Variants in TUBGCP5 observed in about 807,000 individuals in gnomAD.
TUBGCP5 encodes gamma-tubulin complex component 5.
TUBGCP5 carries 98 observed loss-of-function variants against 134.7 expected under a neutral mutation model. The ratio of observed to expected loss-of-function variants is 0.73; its 90% CI spans 0.62 to 0.86. The LOEUF is 0.86. Among genes scored for constraint, TUBGCP5 ranks in the 40% least tolerant of loss-of-function variants. TUBGCP5 has a pLI of 0.00. For synonymous variants in TUBGCP5, 456 were observed against 431.4 expected, an observed-to-expected ratio of 1.06 and a Z score of -0.71; for missense variants, 1,150 against 1,244.8, an observed-to-expected ratio of 0.92 and a Z score of 1.15.
At chr15:22,986,502 C>G (rs1009039739) in intron 23 of TUBGCP5, among the ~76,000 whole-genome samples, 5 of 151,652 alleles carry the variant, frequency 3.3e-5, no homozygotes, top group Non-Finnish European at 7.4e-5. Flanking sequence ...TTTGGGAGGC[C>G]AAGGCGGGTG....
intron 22 of TUBGCP5, 156 bp downstream of exon 22, chr15:23,000,413 A>C (rs2064301453): frequency 5.0e-6 from 7 of 1,411,236 alleles, no homozygotes; most frequent in African/African-American, 1.4e-5. Flanking sequence ...ATGCTTAAAA[A>C]GCAATTCAAA....
At chr15:23,027,068 A>C (rs947865205) in intron 7 of TUBGCP5, 124 bp downstream of exon 7, 1 of 769,728 alleles carries the variant, frequency 1.3e-6, no homozygotes, top group Non-Finnish European at 2.1e-6. Flanking sequence ...CAAAAAAAAA[A>C]GAATTGTCAA....
chr15:23,021,872 G>A (rs2140550136), intron 11 of TUBGCP5, 87 bp downstream of exon 11: 2 of 1,341,852 alleles, frequency 1.5e-6, no homozygotes, highest in South Asian at 1.2e-5. Flanking sequence ...CATCATTCAA[G>A]TATCAACAAA....
At chr15:23,005,387 T>C (rs753006459) in intron 19 of TUBGCP5, 45 bp downstream of exon 19, 4 of 1,597,858 alleles carry the variant, frequency 2.5e-6, no homozygotes, top group Non-Finnish European at 2.6e-6. Flanking sequence ...CGAACAACTG[T>C]ATAGATACGA....
chr15:23,031,009 T>C lies in TUBGCP5; in HGVS notation c.498A>G (p.Glu166=). The C allele has an allele frequency of 1.2e-6, 2 of 1,609,668 alleles. No individual in the cohort carries two copies. The highest frequency in any genetic ancestry group is 1.1e-5 in the South Asian group (1 of 90,554). ...GTTGATCATTTTCCTCTTCACTTTCTTCAGACCAATTCTGATTTAAAAAAG... is the reference window on the plus strand; with the variant it reads ...GTTGATCATTTTCCTCTTCACTTTCCTCAGACCAATTCTGATTTAAAAAAG... ...GPYMDTPNWS[E]ESEEENDQQP... Residue 166 remains glutamate (E), a synonymous_variant, in exon 6 of 23, where the codon GAA becomes GAG. Coordinates refer to ENST00000615383, the MANE Select transcript of TUBGCP5 (RefSeq NM_052903.6).
intron 13 of TUBGCP5, among the ~76,000 whole-genome samples, chr15:23,016,357 G>C (rs1035050989): frequency 6.6e-6 from 1 of 152,106 alleles, no homozygotes; most frequent in African/African-American, 2.4e-5. Context: ...AGCCGGGTGT[G>C]GTGGCGGGTG....
intron 19 of TUBGCP5, chr15:23,004,619 T>A (rs1337561363): frequency 6.1e-6 from 1 of 163,468 alleles, no homozygotes; most frequent in East Asian, 1.8e-4. Flanking sequence ...CCTTTTCTCA[T>A]ACATTGATCT....
chr15:22,991,909 T>G (rs2063857342), intron 23 of TUBGCP5, among the ~76,000 whole-genome samples: 2 of 152,168 alleles, frequency 1.3e-5, no homozygotes, highest in South Asian at 4.1e-4. Flanking sequence ...AAGGCATATT[T>G]AACATTCCAC....
chr15:23,028,026 C>T (rs1261365470), intron 6 of TUBGCP5, among the ~76,000 whole-genome samples: 4 of 151,976 alleles, frequency 2.6e-5, no homozygotes, highest in African/African-American at 9.7e-5. Context: ...AAGAGAAAGC[C>T]ACCTAACATT....
chr15:22,989,482 A>C (rs1376701597), intron 23 of TUBGCP5, among the ~76,000 whole-genome samples: 1 of 152,060 alleles, frequency 6.6e-6, no homozygotes. Context: ...CCCCCTGTTA[A>C]CTTGGCACCC....
intron 23 of TUBGCP5, among the ~76,000 whole-genome samples, chr15:22,984,814 G>A (rs938043413): frequency 2.6e-5 from 4 of 152,016 alleles, no homozygotes; most frequent in Admixed American, 6.6e-5. Context: ...ATTTTATAAC[G>A]GTAGAGTAGA....
intron 20 of TUBGCP5, among the ~76,000 whole-genome samples, 186 bp downstream of exon 20, chr15:23,003,916 G>A (rs1320584877): frequency 1.3e-5 from 2 of 152,122 alleles, no homozygotes; most frequent in Non-Finnish European, 2.9e-5. Context: ...GTTTCCCAAT[G>A]TGCTGGGATT....
In TUBGCP5 at chr15:23,006,296, A is replaced by G; in HGVS notation, c.2384T>C (p.Ile795Thr). 1.9e-6 allele frequency: 3 copies of G among 1,610,328 alleles called. No homozygotes were observed. Among genetic ancestry groups the G allele is most frequent in the Non-Finnish European group, 2.5e-6 (3 of 1,179,282 alleles). The stretch of plus-strand genomic sequence containing the variant: ...GTAGCTGAGGGTCAGACCATCTAAG[A>G]TATGAACAGGCAGCTTCTTCTTAGC... ...DTAKKKLPVH[I>T]LDGLTLSYKV... Residue 795 changes from isoleucine to threonine, a missense_variant, in exon 17 of 23, where the codon ATC becomes ACC. Ile to Thr is a moderately conservative substitution (Grantham distance 89). Around this residue, in one of 2 missense-constraint regions of TUBGCP5, gnomAD observed 697 missense variants for 850.1 expected, o/e 0.82. Coordinates refer to ENST00000615383, the MANE Select transcript of TUBGCP5 (RefSeq NM_052903.6).
chr15:23,026,097 T>C lies in TUBGCP5; in HGVS notation c.827+19A>G, dbSNP rs1372173646. 3 of 1,585,646 alleles carry C rather than the reference T, an allele frequency of 1.9e-6. No individual in the cohort carries two copies. The African/African-American group carries it at 4.1e-5, about 22-fold the overall frequency. On this transcript the variant is annotated intron_variant, in intron 8 of 22. Coordinates refer to ENST00000615383, the MANE Select transcript of TUBGCP5 (RefSeq NM_052903.6). ...AATCAAGTCTCATAAAGACTATTAA[T>C]TAAATGAACATTTCTTACCATAGGG...
chr15:23,024,781 T>C lies in TUBGCP5; in HGVS notation c.877A>G (p.Lys293Glu). The change falls in exon 9 of 23, where the codon AAG becomes GAG. Residue 293 changes from lysine (K) to glutamate (E), a missense_variant. This residue lies in a region of TUBGCP5 where 453 missense variants were observed against 394.7 expected (regional missense o/e 1.15). Coordinates refer to ENST00000615383, the MANE Select transcript of TUBGCP5 (RefSeq NM_052903.6). ...ATAATATTGTTTCTCACAGTTACCT[T>C]CCCATCTATCAACTGAAATATAAAG... ...KLFIFQLIDG[K>E]VTVRNNIIVT... 1.9e-6 allele frequency: 3 copies of C among 1,596,808 alleles called. No individual in the cohort carries two copies. Among genetic ancestry groups the C allele is most frequent in the South Asian group, 1.1e-5 (1 of 88,804 alleles).
intron 23 of TUBGCP5, among the ~76,000 whole-genome samples, chr15:22,987,895 CA>C (rs869168765): frequency 0.045 from 931 of 20,490 alleles, 3 homozygotes; most frequent in African/African-American, 0.11. Context: ...GACTCCATCT[CA>C]AAAAAAAAAA....
chr15:23,039,522 A>C lies in TUBGCP5; in HGVS notation c.22T>G (p.Trp8Gly). 3 of 1,492,480 alleles carry C rather than the reference A, an allele frequency of 2.0e-6. No homozygotes were observed. The highest frequency in any genetic ancestry group is 1.8e-6 in the Non-Finnish European group (2 of 1,111,158). The allele number at this position is 1,492,480 out of a possible 1,614,324, so 92.5% of individuals were successfully genotyped here. Reference sequence around the variant, plus strand: ...TCCTGCTGCGCGTCCAACCGACTCCACGGTGGCCCGTGCCGCGCCATGTTC... The same window carrying C: ...TCCTGCTGCGCGTCCAACCGACTCCCCGGTGGCCCGTGCCGCGCCATGTTC... MARHGPP[W>G]SRLDAQQERD... is the part of the protein sequence containing the mutation. Residue 8 changes from tryptophan (W) to glycine (G), a missense_variant, in exon 1 of 23, where the codon TGG becomes GGG. Trp to Gly is a radical substitution (Grantham distance 184). Coordinates refer to ENST00000615383, the MANE Select transcript of TUBGCP5 (RefSeq NM_052903.6).
chr15:23,010,771 G>A (rs1043195096), intron 14 of TUBGCP5, among the ~76,000 whole-genome samples: 2 of 152,072 alleles, frequency 1.3e-5, no homozygotes, highest in Admixed American at 1.3e-4. Context: ...CTGAGGTCAG[G>A]AGTTCGAGGC....
chr15:23,027,215 C>T lies in TUBGCP5; in HGVS notation c.714G>A (p.Leu238=), dbSNP rs767899253. The T allele has an allele frequency of 6.2e-7, 1 of 1,613,508 alleles. No individual in the cohort carries two copies. The change falls in exon 7 of 23, where the codon TTG becomes TTA. Residue 238 remains leucine (L), a synonymous_variant. Transcript: ENST00000615383. ...ACCAGACAGCAGCTAAATTAGAGTG[C>T]AAATGTAAACTATGAGGAAACTGGG... ...RPSQFPHSLH[L]HSNLAAVWDQ... is the part of the protein sequence containing the mutation.
Sources: gnomAD v4.1 joint callset for allele counts (sites outside exome capture counted in the v4.1 genomes callset) on GRCh38, gnomAD v4.1.1 for gene constraint, gnomAD v4.1.1 regional missense constraint, MANE v1.5 for transcripts, NCBI Gene and HGNC (gene_info 2026-07-23, HGNC 2026-07-21) for gene names.